Variants in CDYL2 observed in about 807,000 individuals in gnomAD.
CDYL2 encodes the protein chromodomain Y-like protein 2.
A neutral mutation model predicts 49.4 loss-of-function variants in CDYL2; 23 were observed. That is an observed-to-expected ratio of 0.47 (90% CI 0.34 to 0.66). The LOEUF is 0.66. Among genes scored for constraint, CDYL2 ranks in the 30% least tolerant of loss-of-function variants. The probability of loss-of-function intolerance (pLI) is 0.01; values close to 1 mark genes in which losing one functional copy is unlikely to be tolerated. For synonymous variants in CDYL2, 360 were observed against 268.8 expected (o/e 1.34, Z -3.32); for missense variants, 678 against 656.4 (o/e 1.03, Z -0.36).
intron 1 of CDYL2, among the ~76,000 whole-genome samples, chr16:80,732,198 G>T (rs1905350853): frequency 6.6e-6 from 1 of 152,200 alleles, no homozygotes; most frequent in South Asian, 2.1e-4. Flanking sequence ...ACATTTCACT[G>T]ATGATGAAAA....
At chr16:80,719,731 C>G (rs1000666292) in intron 1 of CDYL2, among the ~76,000 whole-genome samples, 4 of 152,156 alleles carry the variant, frequency 2.6e-5, no homozygotes, top group African/African-American at 7.2e-5. Context: ...TGGCAGGAAA[C>G]AAGGAGGCTG....
chr16:80,780,685 T>C (rs12051496), intron 1 of CDYL2, among the ~76,000 whole-genome samples: 10,524 of 152,112 alleles, frequency 0.069, 579 homozygotes, highest in African/African-American at 0.15. Context: ...ATTACAGGTG[T>C]GAGCCACCGC....
chr16:80,686,759 A>C (rs1348854349), intron 1 of CDYL2, among the ~76,000 whole-genome samples: 4 of 152,248 alleles, frequency 2.6e-5, no homozygotes, highest in African/African-American at 7.2e-5. Flanking sequence ...CCTTGCACTT[A>C]ATAAATATGC....
rs1196805895 is a variant in CDYL2 at position 80,599,259 on chromosome 16, T to C, written c.*5129A>G. On this transcript the variant is annotated 3_prime_UTR_variant, in exon 7 of 7. Transcript: ENST00000570137. ...AGCAAATCTCCATCTTAATGGCTGA[T>C]AAGTTGACTTTATAAATACATACCA... The C allele has an allele frequency of 6.6e-6, 1 of 152,250 alleles. No homozygotes were observed. The highest frequency in any genetic ancestry group is 1.5e-5 in the Non-Finnish European group (1 of 68,040). The allele number at this position is 152,250 out of a possible 1,614,324, so 9.4% of individuals were successfully genotyped here. A position where few individuals can be genotyped will look rare whatever the true frequency, so the allele number is the denominator to read the frequency against.
At chr16:80,785,227 C>A (rs1567606114) in intron 1 of CDYL2, among the ~76,000 whole-genome samples, 1 of 152,102 alleles carries the variant, frequency 6.6e-6, no homozygotes, top group African/African-American at 2.4e-5. Flanking sequence ...ATCGTCTCAG[C>A]CCAAAATCTC....
At chr16:80,743,066 A>G (rs368107629) in intron 1 of CDYL2, among the ~76,000 whole-genome samples, 14 of 152,178 alleles carry the variant, frequency 9.2e-5, no homozygotes, top group African/African-American at 3.1e-4. Flanking sequence ...GGAGGGATGG[A>G]CCGACGGACG....
chr16:80,697,773 T>C (rs1277207115), intron 1 of CDYL2, among the ~76,000 whole-genome samples: 1 of 151,604 alleles, frequency 6.6e-6, no homozygotes, highest in African/African-American at 2.4e-5. Flanking sequence ...CGTAACAAAC[T>C]AGCTGAAAAA....
intron 2 of CDYL2, among the ~76,000 whole-genome samples, chr16:80,642,576 C>T (rs571994930): frequency 6.6e-6 from 1 of 152,226 alleles, no homozygotes; most frequent in East Asian, 1.9e-4. Flanking sequence ...ACGCTGCTGA[C>T]AAAGACATCG....
At chr16:80,691,910 C>A (rs1251771364) in intron 1 of CDYL2, among the ~76,000 whole-genome samples, 1 of 152,140 alleles carries the variant, frequency 6.6e-6, no homozygotes, top group Non-Finnish European at 1.5e-5. Flanking sequence ...GAATAAAATT[C>A]CCGCTGGAAC....
intron 3 of CDYL2, among the ~76,000 whole-genome samples, chr16:80,626,411 G>T (rs2142383054): frequency 6.6e-6 from 1 of 152,244 alleles, no homozygotes; most frequent in East Asian, 1.9e-4. Flanking sequence ...GTAGTAGCAG[G>T]CAATAATATT....
chr16:80,661,310 G>T (rs965457005), intron 2 of CDYL2, among the ~76,000 whole-genome samples: 2 of 146,974 alleles, frequency 1.4e-5, no homozygotes, highest in Admixed American at 6.7e-5. Context: ...ATTATGGGCA[G>T]CTGGAGTAGA....
At chr16:80,626,592 A>G (rs1567545963) in intron 3 of CDYL2, among the ~76,000 whole-genome samples, 1 of 152,232 alleles carries the variant, frequency 6.6e-6, no homozygotes, top group Non-Finnish European at 1.5e-5. Flanking sequence ...AGAACACCCA[A>G]TCACTGGATT....
chr16:80,740,996 T>C (rs568729164), intron 1 of CDYL2, among the ~76,000 whole-genome samples: 1 of 151,652 alleles, frequency 6.6e-6, no homozygotes, highest in African/African-American at 2.4e-5. Flanking sequence ...TTATTTTAAG[T>C]AAATAACAAA....
intron 2 of CDYL2, among the ~76,000 whole-genome samples, chr16:80,645,835 G>C (rs1378676841): frequency 6.6e-6 from 1 of 151,822 alleles, no homozygotes; most frequent in Non-Finnish European, 1.5e-5. Context: ...GTCCTTTGTA[G>C]GGACATGGAT....
At chr16:80,787,192 T>C (rs1907465721) in intron 1 of CDYL2, among the ~76,000 whole-genome samples, 1 of 152,124 alleles carries the variant, frequency 6.6e-6, no homozygotes, top group Non-Finnish European at 1.5e-5. Context: ...GTTAAGAGAC[T>C]ATTGTTTCTT....
At chr16:80,676,042 G>T (rs1909729341) in intron 2 of CDYL2, among the ~76,000 whole-genome samples, 1 of 152,096 alleles carries the variant, frequency 6.6e-6, no homozygotes, top group African/African-American at 2.4e-5. Flanking sequence ...GAGCCAAGCG[G>T]GGAGAATCGA....
At chr16:80,675,175 G>C (rs1909692128) in intron 2 of CDYL2, among the ~76,000 whole-genome samples, 1 of 152,292 alleles carries the variant, frequency 6.6e-6, no homozygotes, top group South Asian at 2.1e-4. Context: ...AGGTCTGTTG[G>C]CTTCAACCTG....
intron 1 of CDYL2, among the ~76,000 whole-genome samples, chr16:80,693,500 G>T (rs1488302579): frequency 1.3e-5 from 2 of 152,162 alleles, no homozygotes. Flanking sequence ...ACTAACAGGG[G>T]CTTAATTTGT....
Position 80,612,570 on chromosome 16 carries a change from C to T in CDYL2, c.1218+56G>A. ...TAGCCCCATGAAGAGCCCCTAAACC[C>T]AAGGCAGAGGAAGGATCCTGCTGGG... is the stretch of plus-strand genomic sequence containing the variant. On this transcript the variant is annotated intron_variant, in intron 5 of 6. Transcript: ENST00000570137. The surrounding 1 kb of genome is among the most constrained non-coding windows in gnomAD (Gnocchi z 5.0). 6.6e-7 allele frequency: 1 copy of T among 1,521,248 alleles called. No individual in the cohort carries two copies. The highest frequency in any genetic ancestry group is 8.9e-7 in the Non-Finnish European group (1 of 1,128,768). The allele number at this position is 1,521,248 out of a possible 1,614,324, so 94.2% of individuals were successfully genotyped here.
Sources: allele counts gnomAD v4.1 joint callset (sites outside exome capture counted in the v4.1 genomes callset), GRCh38; gene constraint gnomAD v4.1.1; non-coding constraint Gnocchi (gnomAD v3.1); transcripts MANE v1.5; gene names NCBI Gene and HGNC (gene_info 2026-07-23, HGNC 2026-07-21).